RSPO2: variants seen among roughly 807,000 people sequenced by gnomAD.
RSPO2 encodes R-spondin 2.
In RSPO2, 14 loss-of-function variants were observed where a neutral mutation model predicts 30.9. The observed-to-expected ratio is 0.45, with a 90% CI of 0.30 to 0.71. The LOEUF is 0.71. Ranked by LOEUF, RSPO2 falls within the 30% of genes least tolerant of loss-of-function variation. The pLI, the probability that RSPO2 is intolerant of heterozygous loss-of-function variation, is 0.08. For synonymous variants in RSPO2, 107 were observed against 96.4 expected (o/e 1.11, Z -0.64); for missense variants, 264 against 301.9 (o/e 0.87, Z 0.93).
At chr8:107,949,595 G>A (rs1813176949) in intron 5 of RSPO2, among the ~76,000 whole-genome samples, 1 of 152,100 alleles carries the variant, frequency 6.6e-6, no homozygotes, top group African/African-American at 2.4e-5. Context: ...TGGAACTGGA[G>A]GCCATTATCC....
intron 2 of RSPO2, among the ~76,000 whole-genome samples, chr8:107,995,900 T>C (rs181916204): frequency 3.9e-5 from 6 of 152,306 alleles, no homozygotes; most frequent in African/African-American, 1.4e-4. Flanking sequence ...CTATGGTATT[T>C]TGTTACACCT....
At chr8:108,052,711 A>T (rs962557969) in intron 2 of RSPO2, among the ~76,000 whole-genome samples, 2 of 152,198 alleles carry the variant, frequency 1.3e-5, no homozygotes, top group African/African-American at 4.8e-5. Flanking sequence ...AAAATTATAA[A>T]CTAGATAACT....
chr8:108,040,947 T>G (rs556141167), intron 2 of RSPO2, among the ~76,000 whole-genome samples: 11 of 152,214 alleles, frequency 7.2e-5, no homozygotes. Flanking sequence ...CAAATTCAAA[T>G]GTTGAGCAAA....
intron 5 of RSPO2, among the ~76,000 whole-genome samples, chr8:107,949,180 C>T (rs1813164095): frequency 6.6e-6 from 1 of 152,076 alleles, no homozygotes; most frequent in African/African-American, 2.4e-5. Flanking sequence ...CCCAAGTCCC[C>T]AAAGTTCATT....
At chr8:108,008,796 A>AAAAT (rs1554581521) in intron 2 of RSPO2, among the ~76,000 whole-genome samples, 71 of 148,030 alleles carry the variant, frequency 4.8e-4, no homozygotes, top group South Asian at 2.6e-3. Flanking sequence ...GCAAAAAAAA[A>AAAAT]AAAATAAAGA....
intron 2 of RSPO2, among the ~76,000 whole-genome samples, chr8:108,072,760 G>C (rs371011751): frequency 6.6e-6 from 1 of 151,900 alleles, no homozygotes; most frequent in African/African-American, 2.4e-5. Context: ...CAACAACTTT[G>C]GATTTTCAAA....
intron 2 of RSPO2, among the ~76,000 whole-genome samples, chr8:108,044,289 G>T (rs1041510813): frequency 6.6e-6 from 1 of 152,056 alleles, no homozygotes; most frequent in African/African-American, 2.4e-5. Flanking sequence ...TTTGTTATAT[G>T]CATATATTGT....
intron 2 of RSPO2, among the ~76,000 whole-genome samples, chr8:108,005,020 A>AT (rs1166981301): frequency 6.6e-6 from 1 of 152,182 alleles, no homozygotes; most frequent in Non-Finnish European, 1.5e-5. Context: ...TTTGAAAATC[A>AT]TATCTCCAAG....
At chr8:108,058,917 C>A (rs1812353222) in intron 2 of RSPO2, among the ~76,000 whole-genome samples, 1 of 151,614 alleles carries the variant, frequency 6.6e-6, no homozygotes, top group Non-Finnish European at 1.5e-5. Context: ...CTAGGCATTA[C>A]CATTCAGGAC....
chr8:108,062,137 G>C (rs1490277454), intron 2 of RSPO2, among the ~76,000 whole-genome samples: 2 of 151,284 alleles, frequency 1.3e-5, no homozygotes, highest in Admixed American at 6.6e-5. Context: ...TAGAGAAGCA[G>C]AAGCAAACAC....
At chr8:108,050,800 C>T (rs1414337014) in intron 2 of RSPO2, among the ~76,000 whole-genome samples, 1 of 152,070 alleles carries the variant, frequency 6.6e-6, no homozygotes, top group Non-Finnish European at 1.5e-5. Context: ...AAAGAAGTGG[C>T]CGAATATGCT....
intron 3 of RSPO2, among the ~76,000 whole-genome samples, chr8:107,985,039 A>C (rs557241602): frequency 6.6e-6 from 1 of 152,162 alleles, no homozygotes; most frequent in Non-Finnish European, 1.5e-5. Flanking sequence ...TGCAAATAGA[A>C]AAAAGGGGAG....
chr8:107,984,096 C>A, intron 3 of RSPO2: 1 of 474,602 alleles, frequency 2.1e-6, no homozygotes, highest in South Asian at 4.0e-5. Context: ...ACTGTGGGAG[C>A]AGAGGCATTG....
chr8:108,056,553 G>A (rs1315847697), intron 2 of RSPO2, among the ~76,000 whole-genome samples: 2 of 144,684 alleles, frequency 1.4e-5, no homozygotes, highest in Non-Finnish European at 3.0e-5. Context: ...AGCCCAAGAG[G>A]TCAAGGCTGC....
rs201968808 is a variant in RSPO2, at chr8:107,968,608, AT to A, written c.284-7792del. 7.2e-3 allele frequency among the ~76,000 whole-genome samples: 1,097 copies of A among 152,286 alleles called. 35 individuals carry two copies. Among genetic ancestry groups the A allele is most frequent in the East Asian group, 0.055 (288 of 5,192 alleles). On this transcript the variant is annotated intron_variant, in intron 3 of 5. Transcript: ENST00000276659. ...TTGTAATGTTCCCAACACAAAAAAA[AT>A]AAATGTTTGAGGTGACGGATATCCT... is the stretch of plus-strand genomic sequence containing the variant.
At chr8:108,026,684 T>A (rs1174279404) in intron 2 of RSPO2, among the ~76,000 whole-genome samples, 1 of 152,028 alleles carries the variant, frequency 6.6e-6, no homozygotes, top group African/African-American at 2.4e-5. Flanking sequence ...CTGGCCAATA[T>A]GTTGAAACCC....
At chr8:107,936,518 G>GT (rs1357309892) in intron 5 of RSPO2, among the ~76,000 whole-genome samples, 1 of 152,058 alleles carries the variant, frequency 6.6e-6, no homozygotes, top group Non-Finnish European at 1.5e-5. Flanking sequence ...GGTAGTTTCA[G>GT]TTTTTTGAGA....
chr8:108,044,709 TG>T (rs1324821871), intron 2 of RSPO2, among the ~76,000 whole-genome samples: 1 of 152,142 alleles, frequency 6.6e-6, no homozygotes, highest in African/African-American at 2.4e-5. Flanking sequence ...TATTTTTCTT[TG>T]GGTATATACG....
intron 2 of RSPO2, among the ~76,000 whole-genome samples, chr8:108,007,241 C>T (rs1815480467): frequency 6.6e-6 from 1 of 152,066 alleles, no homozygotes; most frequent in African/African-American, 2.4e-5. Context: ...GGCTAGTTGT[C>T]TTGTAAAATA....
Sources: allele counts gnomAD v4.1 joint callset (sites outside exome capture counted in the v4.1 genomes callset), GRCh38; gene constraint gnomAD v4.1.1; transcripts MANE v1.5; gene names NCBI Gene and HGNC (gene_info 2026-07-23, HGNC 2026-07-21).